RYR2: variants seen among roughly 807,000 people sequenced by gnomAD.
RYR2 encodes ryanodine receptor 2, also known as cardiac muscle ryanodine receptor-calcium release channel.
A neutral mutation model predicts 601.1 loss-of-function variants in RYR2; 227 were observed. That is an observed-to-expected ratio of 0.38 (90% CI 0.34 to 0.42). The LOEUF is 0.42. Among genes scored for constraint, RYR2 ranks in the 10% least tolerant of loss-of-function variants. The probability of loss-of-function intolerance (pLI) is 1.00; values close to 1 mark genes in which losing one functional copy is unlikely to be tolerated. For missense variants in RYR2, 4,646 were observed against 6,156.5 expected, an observed-to-expected ratio of 0.75 and a Z score of 8.21; for synonymous variants, 2,223 against 2,175.1, an observed-to-expected ratio of 1.02 and a Z score of -0.61.
At chr1:237,299,182 A>G (rs771949401) in intron 2 of RYR2, among the ~76,000 whole-genome samples, 22 of 150,562 alleles carry the variant, frequency 1.5e-4, no homozygotes, top group Admixed American at 3.3e-4. Context: ...CTAAATGAGA[A>G]ACTGAGAGTA....
At chr1:237,537,189 T>G (rs1668731712) in intron 25 of RYR2, among the ~76,000 whole-genome samples, 1 of 152,232 alleles carries the variant, frequency 6.6e-6, no homozygotes, top group East Asian at 1.9e-4. Context: ...AAATAAACTT[T>G]AGAGATACTT....
At chr1:237,634,834 A>T in intron 43 of RYR2, 55 bp from the exon 44 acceptor site, 1 of 1,321,362 alleles carries the variant, frequency 7.6e-7, no homozygotes, top group South Asian at 1.3e-5. Flanking sequence ...TTTTGTATGG[A>T]GTTTATAGTT....
chr1:237,592,459 G>A (rs537274970), intron 32 of RYR2, among the ~76,000 whole-genome samples: 29 of 151,738 alleles, frequency 1.9e-4, no homozygotes, highest in Admixed American at 1.2e-3. Context: ...ATGGTGAAAC[G>A]CTGTCTCTAT....
chr1:237,104,004 G>A (rs891220433), intron 1 of RYR2, among the ~76,000 whole-genome samples: 1 of 149,712 alleles, frequency 6.7e-6, no homozygotes, highest in African/African-American at 2.5e-5. Flanking sequence ...GTGTCATCCC[G>A]GGCTGAAGTT....
chr1:237,075,307 A>G (rs1020801957), intron 1 of RYR2, among the ~76,000 whole-genome samples: 1 of 151,856 alleles, frequency 6.6e-6, no homozygotes, highest in Non-Finnish European at 1.5e-5. Context: ...TCCGGTCTAC[A>G]GCTCCCAGCG....
intron 11 of RYR2, among the ~76,000 whole-genome samples, chr1:237,422,421 T>C (rs2150054539): frequency 6.6e-6 from 1 of 152,324 alleles, no homozygotes; most frequent in Admixed American, 6.5e-5. Context: ...CTTATCATTT[T>C]ACTGAAACAT....
At chr1:237,321,824 A>G (rs1457211906) in intron 2 of RYR2, among the ~76,000 whole-genome samples, 1 of 152,216 alleles carries the variant, frequency 6.6e-6, no homozygotes, top group East Asian at 1.9e-4. Flanking sequence ...AGTGGAATAC[A>G]GGATCTGAAA....
chr1:237,473,107 T>C (rs997897082), intron 17 of RYR2, among the ~76,000 whole-genome samples: 7 of 152,094 alleles, frequency 4.6e-5, no homozygotes, highest in African/African-American at 1.7e-4. Context: ...GATTAAATGA[T>C]TAATATTTGT....
At chr1:237,754,151 A>T (rs554605145) in intron 80 of RYR2, among the ~76,000 whole-genome samples, 104 of 128,480 alleles carry the variant, frequency 8.1e-4, no homozygotes, top group Admixed American at 1.4e-3. Flanking sequence ...TTTTTGGCTC[A>T]ATGTTTTTTT....
intron 30 of RYR2, 50 bp downstream of exon 30, chr1:237,590,051 A>G (rs766171234): frequency 2.6e-6 from 4 of 1,515,958 alleles, no homozygotes; most frequent in Non-Finnish European, 2.7e-6. Context: ...CAGGAAAAGA[A>G]TATCTTTATA....
In RYR2 at chr1:237,503,443, C is replaced by T. The variant is rs1487401743; in HGVS notation, c.2551C>T (p.Leu851=). ...AGAAAGAACTTACACACGCGACCTG[C>T]TGGGCCCCACAGTTTCCCTGACGCA... The part of the protein sequence containing the change: ...KQERTYTRDL[L]GPTVSLTQAA... The change falls in exon 22 of 105, where the codon CTG becomes TTG. Residue 851 remains leucine (L), a synonymous_variant. Transcript: ENST00000366574. 8 of 1,613,850 alleles carry T rather than the reference C, an allele frequency of 5.0e-6. No homozygotes were observed. The highest frequency in any genetic ancestry group is 1.6e-4 in the Middle Eastern group (1 of 6,082).
At chr1:237,396,945 A>T (rs1702908230) in intron 10 of RYR2, among the ~76,000 whole-genome samples, 1 of 152,200 alleles carries the variant, frequency 6.6e-6, no homozygotes, top group Non-Finnish European at 1.5e-5. Flanking sequence ...GAGTTCTTAA[A>T]CTTGACACCA....
intron 31 of RYR2, among the ~76,000 whole-genome samples, 167 bp downstream of exon 31, chr1:237,591,159 T>TTCCCCCTTCTCCTCC (rs1193499902): frequency 1.1e-3 from 38 of 35,932 alleles, no homozygotes; most frequent in African/African-American, 4.4e-3. Context: ...CCTCCTCCTC[T>TTCCCCCTTCTCCTCC]TCCCCCTTCT....
intron 59 of RYR2, among the ~76,000 whole-genome samples, 180 bp from the exon 60 acceptor site, chr1:237,674,551 T>A (rs1685227700): frequency 6.6e-6 from 1 of 152,092 alleles, no homozygotes; most frequent in Admixed American, 6.6e-5. Flanking sequence ...CAAAATATTC[T>A]TTATAGGTTA....
intron 33 of RYR2, 25 bp downstream of exon 33, chr1:237,593,661 A>G: frequency 6.2e-7 from 1 of 1,612,564 alleles, no homozygotes; most frequent in Non-Finnish European, 8.5e-7. Context: ...ATTTTTTGCA[A>G]GAATGACATG....
In RYR2 at chr1:237,756,346, G is replaced by A; in HGVS notation, c.11204G>A (p.Gly3735Asp). The change falls in exon 81 of 105, where the codon GGC (glycine) becomes GAC (aspartate). Residue 3735 changes from glycine (G) to aspartate (D), a missense_variant. Physicochemically the swap from Gly to Asp is moderately conservative, Grantham distance 94. Transcript: ENST00000366574. The stretch of plus-strand genomic sequence containing the variant: ...CAGCAAGCCCGACTCCACGATCGTG[G>A]CGCGGCTGAGATGGTGCTACAGACA... ...LYQQARLHDR[G>D]AAEMVLQTIS... is the part of the protein sequence containing the mutation. The A allele has an allele frequency of 6.2e-7, 1 of 1,613,600 alleles. No individual in the cohort carries two copies. Among genetic ancestry groups the A allele is most frequent in the Non-Finnish European group, 8.5e-7 (1 of 1,179,628 alleles).
intron 82 of RYR2, 63 bp downstream of exon 82, chr1:237,757,839 C>G: frequency 9.7e-7 from 1 of 1,029,340 alleles, no homozygotes; most frequent in Non-Finnish European, 1.5e-6. Flanking sequence ...TAGTAAAGAA[C>G]TATTTGTTGT....
chr1:237,259,887 A>T (rs2149307276), intron 1 of RYR2, among the ~76,000 whole-genome samples: 2 of 152,332 alleles, frequency 1.3e-5, no homozygotes, highest in South Asian at 4.1e-4. Flanking sequence ...AGACTAGATT[A>T]TTCTGTAATA....
chr1:237,782,178 CTTTTTT>C (rs35521596), intron 89 of RYR2, among the ~76,000 whole-genome samples: 3 of 119,144 alleles, frequency 2.5e-5, no homozygotes, highest in African/African-American at 3.1e-5. Context: ...TTTGTTATTG[CTTTTTT>C]TTTTTTTTTT....
Sources: gnomAD v4.1 joint callset for allele counts (sites outside exome capture counted in the v4.1 genomes callset) on GRCh38, gnomAD v4.1.1 for gene constraint, MANE v1.5 for transcripts, NCBI Gene and HGNC (gene_info 2026-07-23, HGNC 2026-07-21) for gene names.